TADA3: variants seen among roughly 807,000 people sequenced by gnomAD.
The protein encoded by TADA3 is transcriptional adapter 3.
In TADA3, 25 loss-of-function variants were observed where a neutral mutation model predicts 43.2. The ratio of observed to expected loss-of-function variants is 0.58; its 90% CI spans 0.42 to 0.81. TADA3 has a LOEUF of 0.81. Among genes scored for constraint, TADA3 ranks in the 30% least tolerant of loss-of-function variants. The pLI is 0.00. For synonymous variants in TADA3, 235 were observed against 225.5 expected (o/e 1.04, Z -0.38); for missense variants, 441 against 567.8 (o/e 0.78, Z 2.27).
Position 9,787,309 on chromosome 3 carries a change from C to T in TADA3, c.596G>A (p.Arg199His). Residue 199 changes from arginine to histidine, a missense_variant, in exon 5 of 9, where the codon CGC becomes CAC. Physicochemically the swap from Arg to His is conservative, Grantham distance 29. Coordinates refer to ENST00000301964, the MANE Select transcript of TADA3 (RefSeq NM_006354.5). ...CTCCAGCAGGTCCTCCTGGGCCCAG[C>T]GCTGGGAGTAGTGCTTCCCCAGGGG... ...IPPLGKHYSQ[R>H]WAQEDLLEEQ... 3.7e-6 allele frequency: 6 copies of T among 1,613,598 alleles called. No homozygotes were observed. Among genetic ancestry groups the T allele is most frequent in the African/African-American group, 1.3e-5 (1 of 75,052 alleles).
intron 4 of TADA3, chr3:9,787,685 G>A (rs2078648021): frequency 7.5e-7 from 1 of 1,339,702 alleles, no homozygotes; most frequent in Non-Finnish European, 9.8e-7. Context: ...ATTACCTTTT[G>A]TATTGCTTGA....
At chr3:9,783,105 A>G (rs1236725017) in intron 8 of TADA3, 1 of 152,224 alleles carries the variant, frequency 6.6e-6, no homozygotes, top group Non-Finnish European at 1.5e-5. Context: ...GATCTCCAAC[A>G]AAATGTTAAC....
At chr3:9,792,131 C>T (rs1194069571) in intron 1 of TADA3, 85 bp downstream of exon 1, 1 of 152,330 alleles carries the variant, frequency 6.6e-6, no homozygotes, top group African/African-American at 2.4e-5. Flanking sequence ...GTTTTTCCAT[C>T]TGTAAAATGG....
intron 8 of TADA3, among the ~76,000 whole-genome samples, chr3:9,781,274 G>A (rs894447453): frequency 6.6e-6 from 1 of 151,934 alleles, no homozygotes; most frequent in African/African-American, 2.4e-5. Context: ...GTAAGACCCT[G>A]TCTCTAAAAT....
chr3:9,780,497 C>T lies in TADA3; in HGVS notation c.1159G>A (p.Ala387Thr). Residue 387 changes from alanine to threonine, a missense_variant, in exon 9 of 9, where the codon GCT (alanine) becomes ACT (threonine). Coordinates refer to ENST00000301964, the MANE Select transcript of TADA3 (RefSeq NM_006354.5). The stretch of plus-strand genomic sequence containing the variant: ...AAGGCGTCCATGACCTCGTTGTCAG[C>T]CATGCGCACCCGCTGCCTCAGCTCC... ...RQELRQRVRMADNEVMDAFRK... is the reference protein window; with the variant it reads ...RQELRQRVRMTDNEVMDAFRK... 6.2e-7 allele frequency: 1 copy of T among 1,609,066 alleles called. No homozygotes were observed.
Position 9,791,347 on chromosome 3 carries a change from G to C in TADA3, c.120C>G (p.Ile40Met). The stretch of plus-strand genomic sequence containing the variant: ...CCAGCTGCAGGGTGTCCAGCTCCTC[G>C]ATGCCGATGCCATCATCCTCAGAGC... The part of the protein sequence containing the change: ...LARSEDDGIG[I>M]EELDTLQLEL... Residue 40 changes from isoleucine (I) to methionine (M), a missense_variant, in exon 2 of 9, where the codon ATC becomes ATG. By Grantham distance (10) the Ile-to-Met change is conservative. Coordinates refer to ENST00000301964, the MANE Select transcript of TADA3 (RefSeq NM_006354.5). 1 of 1,614,204 alleles carries C rather than the reference G, an allele frequency of 6.2e-7. No homozygotes were observed.
At chr3:9,791,169 C>T (rs560769181) in intron 2 of TADA3, 91 bp downstream of exon 2, 3 of 1,350,114 alleles carry the variant, frequency 2.2e-6, no homozygotes, top group African/African-American at 2.9e-5. Context: ...CCCCTGTACC[C>T]CAAGTCTCAG....
chr3:9,785,230 C>A, intron 7 of TADA3, 86 bp downstream of exon 7: 2 of 1,061,828 alleles, frequency 1.9e-6, no homozygotes, highest in South Asian at 1.4e-5. Flanking sequence ...CAGCCTCTTA[C>A]TGATGAGGAC....
At position 9,780,231 on chromosome 3, in the gene TADA3, G is replaced by A. The variant is rs75010684; in HGVS notation, c.*126C>T. On this transcript the variant is annotated 3_prime_UTR_variant, in exon 9 of 9. Transcript: ENST00000301964. ...CAAAAGACCTCAGGGGAAGGGCCAC[G>A]GCCCTCTAGAGACTGCCGCCATTTG... The A allele has an allele frequency of 4.7e-3, 4,779 of 1,016,768 alleles. 128 individuals carry two copies. In the African/African-American group the frequency reaches 0.067, roughly 14 times the overall value. 63.0% of individuals were successfully genotyped at this position (1,016,768 alleles called of 1,614,324 possible).
chr3:9,791,191 A>G, intron 2 of TADA3, 69 bp downstream of exon 2: 3 of 1,486,492 alleles, frequency 2.0e-6, no homozygotes, highest in Non-Finnish European at 2.8e-6. Flanking sequence ...ATATGGGGCT[A>G]ACTCAATGAC....
rs926691443 is a variant in TADA3, at chr3:9,789,829, C to T, written c.342G>A (p.Pro114=). The change falls in exon 3 of 9, where the codon CCG becomes CCA. Residue 114 remains proline (P), a synonymous_variant. Coordinates refer to ENST00000301964, the MANE Select transcript of TADA3 (RefSeq NM_006354.5). ...QKLEGKAGHG[P]GPGPGRPKSK... is the part of the protein sequence containing the mutation. ...ATTTGGGCCGTCCTGGGCCAGGGCCCGGCCCATGTCCTGCCTTCCCTTCCA... is the reference window on the plus strand; with the variant it reads ...ATTTGGGCCGTCCTGGGCCAGGGCCTGGCCCATGTCCTGCCTTCCCTTCCA... 15 of 1,614,132 alleles carry T rather than the reference C, an allele frequency of 9.3e-6. No individual in the cohort carries two copies. The highest frequency in any genetic ancestry group is 1.3e-5 in the African/African-American group (1 of 74,950).
upstream of TADA3, chr3:9,792,637 C>A: frequency 8.1e-7 from 1 of 1,230,296 alleles, no homozygotes; most frequent in Middle Eastern, 3.1e-4. Flanking sequence ...CAGCCCGGGG[C>A]GGGAGGCGGA....
At position 9,791,491 on chromosome 3, in the gene TADA3, G is replaced by A; in HGVS notation, c.-25C>T. 1 of 1,572,054 alleles carries A rather than the reference G, an allele frequency of 6.4e-7. No individual in the cohort carries two copies. Among genetic ancestry groups the A allele is most frequent in the Non-Finnish European group, 8.7e-7 (1 of 1,149,862 alleles). On this transcript the variant is annotated splice_region_variant and 5_prime_UTR_variant, in exon 2 of 9. Coordinates refer to ENST00000301964, the MANE Select transcript of TADA3 (RefSeq NM_006354.5). ...TGGCCCAGGATATGGGGATCCTGTGGAGCTGGAGAGGACAGGGCCATTGAT... is the reference window on the plus strand; with the variant it reads ...TGGCCCAGGATATGGGGATCCTGTGAAGCTGGAGAGGACAGGGCCATTGAT...
chr3:9,790,545 C>T (rs2078704362), intron 2 of TADA3, among the ~76,000 whole-genome samples: 1 of 152,180 alleles, frequency 6.6e-6, no homozygotes, highest in African/African-American at 2.4e-5. Context: ...TACTGAGGAC[C>T]AGAAAGCCCA....
In TADA3 at chr3:9,785,277, G is replaced by C. The variant is rs200605874; in HGVS notation, c.920+39C>G. The stretch of plus-strand genomic sequence containing the variant: ...GAGATGGAGAGAAGCCAACAGAAGC[G>C]GGGGCCAGACTGTGGGTTGTGGATA... On this transcript the variant is annotated intron_variant, in intron 7 of 8. Transcript: ENST00000301964. The C allele has an allele frequency of 4.3e-5, 65 of 1,516,396 alleles. No homozygotes were observed. The African/African-American group carries it at 6.4e-4, about 15-fold the overall frequency. 93.9% of individuals were successfully genotyped at this position (1,516,396 alleles called of 1,614,324 possible). A position where few individuals can be genotyped will look rare whatever the true frequency, so the allele number is the denominator to read the frequency against.
upstream of TADA3, chr3:9,792,995 C>T: frequency 6.8e-7 from 1 of 1,476,402 alleles, no homozygotes; most frequent in Non-Finnish European, 9.0e-7. Context: ...CTCTACCCCG[C>T]TCGGAGCATA....
intron 8 of TADA3, chr3:9,781,655 T>A: frequency 2.3e-6 from 1 of 436,408 alleles, no homozygotes; most frequent in Non-Finnish European, 4.8e-6. Flanking sequence ...ATACATTTCA[T>A]CGATGGTGGA....
chr3:9,784,369 T>A (rs555766272), intron 7 of TADA3, among the ~76,000 whole-genome samples, 156 bp from the exon 8 acceptor site: 3 of 152,172 alleles, frequency 2.0e-5, no homozygotes, highest in Admixed American at 2.0e-4. Context: ...GACAGACACA[T>A]CTGGTCTGGT....
rs761517024 is a variant in TADA3 at position 9,790,007 on chromosome 3, A to C, written c.208-44T>G. 3.2e-6 allele frequency: 5 copies of C among 1,539,172 alleles called. No individual in the cohort carries two copies. The South Asian group carries it at 3.8e-5, about 12-fold the overall frequency. ...GTCACTGAGGGGGAGAAGGGAAAAC[A>C]CAGAATATCTCTTTCCTCTAGTGAA... is the stretch of plus-strand genomic sequence containing the variant. On this transcript the variant is annotated intron_variant, in intron 2 of 8. Coordinates refer to ENST00000301964, the MANE Select transcript of TADA3 (RefSeq NM_006354.5).
Sources: gnomAD v4.1 joint callset for allele counts (sites outside exome capture counted in the v4.1 genomes callset) on GRCh38, gnomAD v4.1.1 for gene constraint, MANE v1.5 for transcripts, NCBI Gene and HGNC (gene_info 2026-07-23, HGNC 2026-07-21) for gene names.